Variants in ERC1 observed in about 807,000 individuals in gnomAD.
The protein encoded by ERC1 is RAB6 interacting protein 2.
Under a neutral mutation model 132.0 loss-of-function variants are expected in ERC1, and 56 were observed. The observed-to-expected ratio is 0.42, with a 90% CI of 0.34 to 0.53. The LOEUF is 0.53. ERC1 is among the 20% of genes least tolerant of loss of function. ERC1 has a pLI of 0.03. For synonymous variants in ERC1, 478 were observed against 476.1 expected, an observed-to-expected ratio of 1.00 and a Z score of -0.05; for missense variants, 1,202 against 1,349.9, an observed-to-expected ratio of 0.89 and a Z score of 1.72.
chr12:1,158,815 A>G (rs1056619132), intron 8 of ERC1, among the ~76,000 whole-genome samples: 2 of 151,962 alleles, frequency 1.3e-5, no homozygotes, highest in African/African-American at 4.8e-5. Context: ...GTTTTGTATG[A>G]AGGGTTATGG....
At chr12:1,306,473 G>A (rs896934123) in intron 15 of ERC1, among the ~76,000 whole-genome samples, 1 of 152,202 alleles carries the variant, frequency 6.6e-6, no homozygotes. Context: ...ATGTAAAACT[G>A]TATTGGAAAA....
chr12:1,009,214 G>A (rs570602950), intron 1 of ERC1, among the ~76,000 whole-genome samples: 44 of 149,578 alleles, frequency 2.9e-4, no homozygotes, highest in African/African-American at 7.4e-4. Flanking sequence ...TCTCTCTGTC[G>A]CCCAGGCTGG....
intron 15 of ERC1, among the ~76,000 whole-genome samples, chr12:1,349,083 G>A (rs987809621): frequency 6.6e-6 from 1 of 152,102 alleles, no homozygotes; most frequent in African/African-American, 2.4e-5. Flanking sequence ...TTTTGTGTCT[G>A]TTGTTGGCTA....
intron 17 of ERC1, among the ~76,000 whole-genome samples, chr12:1,440,396 CG>C (rs541994907): frequency 3.1e-4 from 46 of 150,000 alleles, no homozygotes; most frequent in Admixed American, 9.3e-4. Flanking sequence ...TTAGTAGAGA[CG>C]GGGTTTCACC....
intron 16 of ERC1, among the ~76,000 whole-genome samples, chr12:1,387,700 C>T (rs1316348616): frequency 6.6e-6 from 1 of 152,202 alleles, no homozygotes; most frequent in Non-Finnish European, 1.5e-5. Context: ...AGGAAGGATG[C>T]TCCCTTAGCA....
In ERC1 at chr12:1,121,677, ATC is replaced by A. The variant is rs56044523; in HGVS notation, c.1569+5646_1569+5647del. On this transcript the variant is annotated intron_variant, in intron 7 of 18. Transcript: ENST00000360905. ...TATCTCTATCTCTATCTCTATCTCT[ATC>A]TATCTCTATCTCTATCTCTATCTCT... is the stretch of plus-strand genomic sequence containing the variant. 2.4e-4 allele frequency among the ~76,000 whole-genome samples: 2 copies of A among 8,166 alleles called. 1 individual carries two copies. Among genetic ancestry groups the A allele is most frequent in the African/African-American group, 4.4e-4 (2 of 4,506 alleles). 5.4% of individuals were successfully genotyped at this position (8,166 alleles called of 152,430 possible). A position where few individuals can be genotyped will look rare whatever the true frequency, so the allele number is the denominator to read the frequency against.
At chr12:996,303 T>C (rs1960879893) in intron 1 of ERC1, among the ~76,000 whole-genome samples, 1 of 141,998 alleles carries the variant, frequency 7.0e-6, no homozygotes, top group East Asian at 2.2e-4. Context: ...AGTGTTTCAC[T>C]GTGTTAGCCA....
At chr12:1,421,610 A>G (rs2092431728) in intron 17 of ERC1, among the ~76,000 whole-genome samples, 1 of 152,156 alleles carries the variant, frequency 6.6e-6, no homozygotes, top group African/African-American at 2.4e-5. Flanking sequence ...TATCTTAAAG[A>G]CCAATCTTAG....
At chr12:1,349,404 C>T (rs1012936909) in intron 15 of ERC1, among the ~76,000 whole-genome samples, 6 of 152,170 alleles carry the variant, frequency 3.9e-5, no homozygotes, top group African/African-American at 1.4e-4. Context: ...TGGCTCACGC[C>T]TGTAATCCCA....
chr12:1,201,338 A>G (rs1184929544), intron 12 of ERC1, among the ~76,000 whole-genome samples: 2 of 152,186 alleles, frequency 1.3e-5, no homozygotes, highest in Non-Finnish European at 2.9e-5. Flanking sequence ...TGGTGAATTG[A>G]TGTTAAGAAT....
chr12:1,365,108 G>A (rs2086531773), intron 15 of ERC1, among the ~76,000 whole-genome samples: 1 of 152,046 alleles, frequency 6.6e-6, no homozygotes, highest in African/African-American at 2.4e-5. Context: ...ATCCCACTAT[G>A]TCATCTTCCT....
At chr12:1,055,693 G>A (rs981960870) in intron 2 of ERC1, among the ~76,000 whole-genome samples, 8 of 152,234 alleles carry the variant, frequency 5.3e-5, no homozygotes, top group Admixed American at 2.6e-4. Flanking sequence ...TGTAAAAAGC[G>A]CAAGCTACGG....
chr12:1,463,683 T>C (rs1366071816), intron 18 of ERC1, among the ~76,000 whole-genome samples: 1 of 113,442 alleles, frequency 8.8e-6, no homozygotes, highest in Non-Finnish European at 1.7e-5. Flanking sequence ...AAGAGAGGGG[T>C]TGGGGTGCTA....
intron 14 of ERC1, among the ~76,000 whole-genome samples, chr12:1,266,351 T>G (rs2077476104): frequency 6.7e-6 from 1 of 149,594 alleles, no homozygotes; most frequent in South Asian, 2.1e-4. Flanking sequence ...TACTGTCCTC[T>G]CCTCTCCCAT....
chr12:1,291,477 T>C (rs2079447597), intron 15 of ERC1, among the ~76,000 whole-genome samples: 1 of 152,170 alleles, frequency 6.6e-6, no homozygotes, highest in African/African-American at 2.4e-5. Context: ...TTATTGATCA[T>C]TGAACAAGTG....
At chr12:1,464,662 A>G (rs2093708645) in intron 18 of ERC1, among the ~76,000 whole-genome samples, 1 of 151,710 alleles carries the variant, frequency 6.6e-6, no homozygotes, top group Non-Finnish European at 1.5e-5. Flanking sequence ...CTGGGACTAC[A>G]GGTGTGCACC....
At chr12:1,473,843 G>C (rs942681562) in intron 18 of ERC1, among the ~76,000 whole-genome samples, 1 of 152,088 alleles carries the variant, frequency 6.6e-6, no homozygotes, top group African/African-American at 2.4e-5. Context: ...AAGTGCTAAA[G>C]GGATTCTGTA....
intron 18 of ERC1, among the ~76,000 whole-genome samples, chr12:1,471,807 CCT>C (rs1297298975): frequency 4.6e-5 from 7 of 152,338 alleles, no homozygotes. Context: ...GTAAAGCTTT[CCT>C]CTCAGGTAGG....
chr12:1,335,275 G>A (rs1239069207), intron 15 of ERC1, among the ~76,000 whole-genome samples: 1 of 152,136 alleles, frequency 6.6e-6, no homozygotes, highest in Non-Finnish European at 1.5e-5. Context: ...TTGAATAGGA[G>A]TGGTGAGAGA....
Sources: gnomAD v4.1 joint callset for allele counts (sites outside exome capture counted in the v4.1 genomes callset) on GRCh38, gnomAD v4.1.1 for gene constraint, MANE v1.5 for transcripts, NCBI Gene and HGNC (gene_info 2026-07-23, HGNC 2026-07-21) for gene names.